MTFR1: variants seen among roughly 807,000 people sequenced by gnomAD.
MTFR1 encodes chondrocyte protein with a poly-proline region.
Under a neutral mutation model 38.8 loss-of-function variants are expected in MTFR1, and 28 were observed. That is an observed-to-expected ratio of 0.72 (90% CI 0.53 to 0.99). MTFR1 has a LOEUF of 0.99. MTFR1 is among the 50% of genes least tolerant of loss of function. The pLI is 0.00. For missense variants in MTFR1, 358 were observed against 395.5 expected, an observed-to-expected ratio of 0.91 and a Z score of 0.81; for synonymous variants, 145 against 137.0, an observed-to-expected ratio of 1.06 and a Z score of -0.41.
At chr8:65,765,016 A>G (rs1289123714) in intron 3 of MTFR1, among the ~76,000 whole-genome samples, 1 of 152,236 alleles carries the variant, frequency 6.6e-6, no homozygotes, top group Non-Finnish European at 1.5e-5. Context: ...ATTCAATGCA[A>G]TAAAAATATA....
At chr8:65,666,597 C>T (rs1388040226) in intron 1 of MTFR1, among the ~76,000 whole-genome samples, 1 of 152,082 alleles carries the variant, frequency 6.6e-6, no homozygotes, top group Non-Finnish European at 1.5e-5. Flanking sequence ...GTTTGCCCCT[C>T]TACAAATAGA....
intron 2 of MTFR1, among the ~76,000 whole-genome samples, chr8:65,677,068 C>CTTTTTTTT (rs1166560010): frequency 3.0e-5 from 3 of 100,106 alleles, no homozygotes; most frequent in African/African-American, 4.6e-5. Flanking sequence ...CTATTTCTCT[C>CTTTTTTTT]TTTTTTTTTT....
intron 1 of MTFR1, among the ~76,000 whole-genome samples, chr8:65,665,426 T>G (rs535613984): frequency 6.6e-6 from 1 of 152,200 alleles, no homozygotes; most frequent in South Asian, 2.1e-4. Context: ...ATTAAAGATA[T>G]AGTCACAGAC....
intron 3 of MTFR1, chr8:65,719,772 AT>A (rs1806296548): frequency 2.4e-6 from 1 of 416,868 alleles, no homozygotes; most frequent in Non-Finnish European, 4.4e-6. Flanking sequence ...GCACAACTAC[AT>A]TCTTCTACTT....
At chr8:65,693,825 C>T in intron 4 of MTFR1, 66 bp downstream of exon 4, 1 of 1,238,856 alleles carries the variant, frequency 8.1e-7, no homozygotes, top group Non-Finnish European at 1.2e-6. Context: ...ATATTATTTG[C>T]AGTACTTATT....
At chr8:65,758,950 GTC>G (rs1230023642) in intron 3 of MTFR1, among the ~76,000 whole-genome samples, 2 of 152,110 alleles carry the variant, frequency 1.3e-5, no homozygotes, top group Admixed American at 6.5e-5. Context: ...GGCAGCCTCT[GTC>G]TCTCTTGCGG....
chr8:65,741,488 T>G (rs1265382666), intron 3 of MTFR1, among the ~76,000 whole-genome samples: 1 of 152,214 alleles, frequency 6.6e-6, no homozygotes, highest in Non-Finnish European at 1.5e-5. Flanking sequence ...TGGAGCATTA[T>G]TTGCATAAGC....
At chr8:65,644,518 C>T (rs1015289630), upstream of MTFR1, among the ~76,000 whole-genome samples, 2 of 152,256 alleles carry the variant, frequency 1.3e-5, no homozygotes, top group African/African-American at 4.8e-5. Context: ...GGTGAAGGCA[C>T]AAAGCAAGGT....
rs540657737 is a variant in MTFR1, at chr8:65,763,161, A to C, written c.*49-7786A>C. Among the ~76,000 whole-genome samples the C allele has an allele frequency of 3.3e-5, 5 of 152,300 alleles. No homozygotes were observed. In the East Asian group the frequency reaches 9.6e-4, roughly 29 times the overall value. ...TATTCCCTCCCAAAAGAATTGCTTA[A>C]GGGAGGGAATATTTGTTATACATAT... is the stretch of plus-strand genomic sequence containing the variant. On this transcript the variant is annotated intron_variant, in intron 3 of 3. Coordinates refer to the MTFR1 transcript ENST00000521247.
upstream of MTFR1, among the ~76,000 whole-genome samples, chr8:65,644,514 G>C (rs865861614): frequency 8.5e-5 from 13 of 152,382 alleles, no homozygotes; most frequent in Middle Eastern, 3.4e-3. Context: ...GGACGGTGAA[G>C]GCACAAAGCA....
At chr8:65,707,720 CAGG>C in intron 6 of MTFR1, 120 bp from the exon 7 acceptor site, 1 of 1,211,846 alleles carries the variant, frequency 8.3e-7, no homozygotes, top group South Asian at 1.6e-5. Flanking sequence ...CAGTATTTAT[CAGG>C]TCTCTATGGA....
chr8:65,659,929 C>G (rs1809365563), intron 1 of MTFR1, among the ~76,000 whole-genome samples: 1 of 152,110 alleles, frequency 6.6e-6, no homozygotes, highest in Non-Finnish European at 1.5e-5. Context: ...TTCTTTATCT[C>G]TAGCCGACAC....
At chr8:65,731,100 T>C (rs1806868890) in intron 3 of MTFR1, among the ~76,000 whole-genome samples, 1 of 152,154 alleles carries the variant, frequency 6.6e-6, no homozygotes, top group Admixed American at 6.6e-5. Context: ...CAGACAAAAA[T>C]TCCTGCCCTG....
At chr8:65,655,240 T>G (rs185911903) in intron 1 of MTFR1, among the ~76,000 whole-genome samples, 1 of 152,336 alleles carries the variant, frequency 6.6e-6, no homozygotes, top group East Asian at 1.9e-4. Context: ...TTCTTTTAAA[T>G]CATAAAGATA....
chr8:65,694,910 TG>T (rs1320037364), intron 4 of MTFR1, among the ~76,000 whole-genome samples: 3 of 152,222 alleles, frequency 2.0e-5, no homozygotes, highest in Non-Finnish European at 2.9e-5. Context: ...AACTGCCAGA[TG>T]GCTCAATGAG....
chr8:65,698,185 G>A (rs1449370541), intron 4 of MTFR1, among the ~76,000 whole-genome samples: 3 of 139,762 alleles, frequency 2.1e-5, no homozygotes, highest in African/African-American at 8.0e-5. Flanking sequence ...ATCTGGCTCT[G>A]TCACCCGGGC....
intron 2 of MTFR1, among the ~76,000 whole-genome samples, chr8:65,675,340 A>T (rs1380808937): frequency 2.6e-5 from 4 of 151,922 alleles, no homozygotes; most frequent in Non-Finnish European, 5.9e-5. Context: ...TTACGCCTGT[A>T]ATCCCAGCAC....
chr8:65,688,143 A>G (rs1405809043), intron 3 of MTFR1, among the ~76,000 whole-genome samples: 1 of 147,922 alleles, frequency 6.8e-6, no homozygotes. Context: ...GCTCACACCT[A>G]TAATCCCAGC....
chr8:65,708,879 A>G (rs1805861356), intron 7 of MTFR1, 97 bp from the exon 8 acceptor site: 2 of 1,232,130 alleles, frequency 1.6e-6, no homozygotes, highest in Admixed American at 3.5e-5. Context: ...TTCATGCAGA[A>G]CATACCCAGC....
Sources: allele counts gnomAD v4.1 joint callset (sites outside exome capture counted in the v4.1 genomes callset), GRCh38; gene constraint gnomAD v4.1.1; transcripts MANE v1.5; gene names NCBI Gene and HGNC (gene_info 2026-07-23, HGNC 2026-07-21).